Variants in MLIP observed in about 807,000 individuals in gnomAD.
MLIP encodes muscular LMNA-interacting protein.
A neutral mutation model predicts 84.8 loss-of-function variants in MLIP; 79 were observed. The ratio of observed to expected loss-of-function variants is 0.93; its 90% CI spans 0.78 to 1.12. The LOEUF is 1.12. Ranked by LOEUF, MLIP falls within the 50% of genes most tolerant of loss-of-function variation. MLIP has a pLI of 0.00. For synonymous variants in MLIP, 504 were observed against 463.0 expected (o/e 1.09, Z -1.14); for missense variants, 1,257 against 1,160.6 (o/e 1.08, Z -1.21).
At chr6:54,215,260 C>A in intron 11 of MLIP, 1 of 1,492,358 alleles carries the variant, frequency 6.7e-7, no homozygotes, top group South Asian at 1.3e-5. Flanking sequence ...TTCCTACTTC[C>A]TGAAAAAGAG....
intron 9 of MLIP, among the ~76,000 whole-genome samples, chr6:54,169,878 G>T (rs9474747): frequency 5.5e-4 from 83 of 151,706 alleles, no homozygotes; most frequent in African/African-American, 1.8e-3. Flanking sequence ...TTTTGTAATG[G>T]TTTATTATGC....
At chr6:54,264,113 G>T (rs189553333) in intron 13 of MLIP, among the ~76,000 whole-genome samples, 17 of 152,142 alleles carry the variant, frequency 1.1e-4, no homozygotes, top group Admixed American at 9.8e-4. Context: ...GTGGGTTCGG[G>T]AAGAGCTGAG....
intron 9 of MLIP, among the ~76,000 whole-genome samples, chr6:54,175,552 C>A (rs1039152428): frequency 1.3e-5 from 2 of 151,686 alleles, no homozygotes; most frequent in African/African-American, 4.8e-5. Context: ...TTAGATTGTT[C>A]ACTATTGGTA....
intron 1 of MLIP, among the ~76,000 whole-genome samples, chr6:54,078,089 GC>G (rs1766912397): frequency 6.6e-6 from 1 of 152,120 alleles, no homozygotes; most frequent in African/African-American, 2.4e-5. Context: ...GTTTCAACTG[GC>G]CCAATTTACC....
At position 54,138,053 on chromosome 6, in the gene MLIP, C is replaced by G. The variant is rs1771970471; in HGVS notation, c.1984C>G (p.Leu662Val). The stretch of plus-strand genomic sequence containing the variant: ...TCTTCCCAACTTGAGGTCCTCCTCT[C>G]TCCCTCATGCCAATCTGCCCACCCT... The part of the protein sequence containing the change: ...ASLPNLRSSS[L>V]PHANLPTLVP... The change falls in exon 4 of 14, where the codon CTC becomes GTC. Residue 662 changes from leucine (L) to valine (V), a missense_variant. By Grantham distance (32) the Leu-to-Val change is conservative. Transcript: ENST00000502396. 1.3e-6 allele frequency: 2 copies of G among 1,536,154 alleles called. No individual in the cohort carries two copies. Among genetic ancestry groups the G allele is most frequent in the African/African-American group, 1.4e-5 (1 of 73,146 alleles).
At chr6:54,141,638 ACT>A (rs1772323746) in intron 4 of MLIP, among the ~76,000 whole-genome samples, 1 of 151,668 alleles carries the variant, frequency 6.6e-6, no homozygotes, top group South Asian at 2.1e-4. Context: ...ATTGTCTGAG[ACT>A]TTTTTTTCCC....
chr6:54,110,306 C>CT (rs1250083181), upstream of MLIP, among the ~76,000 whole-genome samples: 3 of 151,994 alleles, frequency 2.0e-5, no homozygotes, highest in Non-Finnish European at 4.4e-5. Flanking sequence ...TTCTTGTTTT[C>CT]TTTTTTCACT....
chr6:54,118,980 A>T (rs1770199761), intron 1 of MLIP, among the ~76,000 whole-genome samples: 1 of 152,220 alleles, frequency 6.6e-6, no homozygotes, highest in Admixed American at 6.5e-5. Context: ...GGAAAATGCC[A>T]ATGAAAACAG....
chr6:54,106,945 G>A (rs2150398734), upstream of MLIP, among the ~76,000 whole-genome samples: 1 of 152,294 alleles, frequency 6.6e-6, no homozygotes, highest in Middle Eastern at 3.4e-3. Flanking sequence ...GGGTCAGATG[G>A]CACAAAGCAG....
chr6:54,251,347 T>G (rs757117041), intron 12 of MLIP, among the ~76,000 whole-genome samples: 1 of 148,540 alleles, frequency 6.7e-6, no homozygotes, highest in African/African-American at 2.5e-5. Flanking sequence ...ATTTCCTGGG[T>G]TCCTCTAGCA....
intron 3 of MLIP, among the ~76,000 whole-genome samples, chr6:54,125,882 G>A (rs1770882010): frequency 6.6e-6 from 1 of 151,826 alleles, no homozygotes; most frequent in Non-Finnish European, 1.5e-5. Context: ...TGGAGTTTTG[G>A]TGCCACACCA....
chr6:54,114,165 T>TA (rs1310516082), intron 1 of MLIP, among the ~76,000 whole-genome samples: 1 of 152,212 alleles, frequency 6.6e-6, no homozygotes, highest in Non-Finnish European at 1.5e-5. Context: ...CACTCAATGT[T>TA]AGAGTCTGTA....
At chr6:54,044,548 T>C (rs1764924895) in intron 1 of MLIP, among the ~76,000 whole-genome samples, 1 of 152,214 alleles carries the variant, frequency 6.6e-6, no homozygotes, top group Admixed American at 6.5e-5. Flanking sequence ...TTGTGTATTG[T>C]TGTTCAAACA....
chr6:54,049,231 G>T (rs1765242620), intron 1 of MLIP, among the ~76,000 whole-genome samples: 1 of 152,116 alleles, frequency 6.6e-6, no homozygotes, highest in East Asian at 1.9e-4. Flanking sequence ...GTGGGGCCCT[G>T]TTATCAATAT....
intron 8 of MLIP, among the ~76,000 whole-genome samples, chr6:54,166,556 GTC>G (rs1775215803): frequency 1.3e-5 from 2 of 151,748 alleles, no homozygotes; most frequent in Admixed American, 1.3e-4. Context: ...GAACTCCGTA[GTC>G]TCTCTGTTTT....
chr6:54,237,177 G>C (rs913308981), intron 12 of MLIP, among the ~76,000 whole-genome samples: 2 of 151,814 alleles, frequency 1.3e-5, no homozygotes, highest in Non-Finnish European at 2.9e-5. Flanking sequence ...ATCTGGTAAA[G>C]GGTGTGTGAG....
chr6:54,189,329 G>C (rs1236292214), intron 9 of MLIP, among the ~76,000 whole-genome samples: 4 of 152,132 alleles, frequency 2.6e-5, no homozygotes, highest in Non-Finnish European at 4.4e-5. Context: ...TTGAAATATA[G>C]GAGCCAATGA....
At chr6:54,139,557 A>T (rs529001389) in intron 4 of MLIP, among the ~76,000 whole-genome samples, 1 of 152,316 alleles carries the variant, frequency 6.6e-6, no homozygotes, top group South Asian at 2.1e-4. Flanking sequence ...GCAATATCAA[A>T]TGCTTTCTGT....
intron 1 of MLIP, among the ~76,000 whole-genome samples, chr6:54,090,859 G>A (rs967757821): frequency 6.6e-6 from 1 of 152,140 alleles, no homozygotes; most frequent in Non-Finnish European, 1.5e-5. Flanking sequence ...TGAGATTAAT[G>A]TAGGGGACAA....
Sources: allele counts gnomAD v4.1 joint callset (sites outside exome capture counted in the v4.1 genomes callset), GRCh38; gene constraint gnomAD v4.1.1; transcripts MANE v1.5; gene names NCBI Gene and HGNC (gene_info 2026-07-23, HGNC 2026-07-21).